Variants in CECR2 observed in about 807,000 individuals in gnomAD.
The protein encoded by CECR2 is CECR2 histone acetyl-lysine reader, also known as chromatin remodeling regulator CECR2.
A neutral mutation model predicts 154.5 loss-of-function variants in CECR2; 30 were observed. The observed-to-expected ratio is 0.19, with a 90% CI of 0.15 to 0.26. CECR2 has a LOEUF of 0.26. Among genes scored for constraint, CECR2 ranks in the 10% least tolerant of loss-of-function variants. The probability of loss-of-function intolerance (pLI) is 1.00; values close to 1 mark genes in which losing one functional copy is unlikely to be tolerated. For missense variants in CECR2, 1,743 were observed against 1,829.3 expected, an observed-to-expected ratio of 0.95 and a Z score of 0.86; for synonymous variants, 725 against 683.7, an observed-to-expected ratio of 1.06 and a Z score of -0.94.
intron 1 of CECR2, among the ~76,000 whole-genome samples, chr22:17,382,141 T>C (rs567795322): frequency 1.7e-3 from 251 of 152,016 alleles, no homozygotes; most frequent in Non-Finnish European, 2.7e-3. Flanking sequence ...CCGCCCGCCT[T>C]GGCCTCCCAA....
chr22:17,413,688 A>ATTT (rs200658141), intron 1 of CECR2, among the ~76,000 whole-genome samples: 2,140 of 151,550 alleles, frequency 0.014, 51 homozygotes, highest in African/African-American at 0.05. Flanking sequence ...TATTATTATT[A>ATTT]TTTTTTGAGA....
At chr22:17,360,714 A>G (rs1195261829) in intron 1 of CECR2, among the ~76,000 whole-genome samples, 4 of 151,400 alleles carry the variant, frequency 2.6e-5, no homozygotes, top group Non-Finnish European at 5.9e-5. Context: ...GCATGGTGAC[A>G]TGTGCCTGTA....
intron 1 of CECR2, among the ~76,000 whole-genome samples, chr22:17,474,372 T>C (rs1464732417): frequency 2.6e-5 from 4 of 152,174 alleles, no homozygotes; most frequent in African/African-American, 9.7e-5. Flanking sequence ...ATGGGGAATA[T>C]GGTAGGTAAG....
intron 9 of CECR2, among the ~76,000 whole-genome samples, chr22:17,530,427 A>G (rs11912246): frequency 0.011 from 1,620 of 152,064 alleles, 19 homozygotes; most frequent in Non-Finnish European, 0.014. Flanking sequence ...TAATCCCAGC[A>G]CTTTGGGAGG....
At chr22:17,512,834 T>C (rs1039362952) in intron 8 of CECR2, among the ~76,000 whole-genome samples, 2 of 152,144 alleles carry the variant, frequency 1.3e-5, no homozygotes, top group African/African-American at 4.8e-5. Context: ...AGCGTGGATC[T>C]GGCTGATCTG....
chr22:17,548,738 C>T lies in CECR2; in HGVS notation c.3451C>T (p.Pro1151Ser). 1 of 1,613,730 alleles carries T rather than the reference C, an allele frequency of 6.2e-7. No homozygotes were observed. The highest frequency in any genetic ancestry group is 8.5e-7 in the Non-Finnish European group (1 of 1,179,816). ...GGGCCCTGTGATGGGAGGGAAGTCC[C>T]CAGCATCCCATCCCCAGCATTTTCC... is the stretch of plus-strand genomic sequence containing the variant. The part of the protein sequence containing the change: ...GVGPVMGGKS[P>S]ASHPQHFPPR... Residue 1151 changes from proline (P) to serine (S), a missense_variant, in exon 17 of 19, where the codon CCA (proline) becomes TCA (serine). Transcript: ENST00000262608.
At chr22:17,397,906 C>T (rs9617572) in intron 1 of CECR2, among the ~76,000 whole-genome samples, 3 of 152,098 alleles carry the variant, frequency 2.0e-5, no homozygotes, top group Non-Finnish European at 2.9e-5. Context: ...AACATTAGCA[C>T]GAGTTTCCAC....
intron 1 of CECR2, among the ~76,000 whole-genome samples, chr22:17,427,995 CCTGA>C (rs2054357803): frequency 6.6e-6 from 1 of 152,174 alleles, no homozygotes. Context: ...GTTGTTGTTT[CCTGA>C]CTTTTTAATG....
chr22:17,514,850 G>A (rs1011691572), intron 8 of CECR2, among the ~76,000 whole-genome samples: 3 of 151,984 alleles, frequency 2.0e-5, no homozygotes, highest in Non-Finnish European at 4.4e-5. Flanking sequence ...TGGCTAACAC[G>A]ATGAAACCCC....
chr22:17,474,322 T>G (rs1032252735), intron 1 of CECR2, among the ~76,000 whole-genome samples: 1 of 152,228 alleles, frequency 6.6e-6, no homozygotes, highest in Admixed American at 6.5e-5. Flanking sequence ...CTGTTTTTAA[T>G]GACTTCATGA....
chr22:17,481,049 T>TAAAAAAAAAAAAAAAA lies in CECR2; in HGVS notation c.221+3379_221+3380insAAAAAAAAAAAAAAAA, dbSNP rs572712907. ...AGTGAGACTCCATCTCTTTTTTTTT[T>TAAAAAAAAAAAAAAAA]AAAAAAAAAAAAGGCCGGGCACGGT... On this transcript the variant is annotated intron_variant, in intron 2 of 18. Transcript: ENST00000262608. Among the ~76,000 whole-genome samples, 439 of 91,950 alleles carry TAAAAAAAAAAAAAAAA rather than the reference T, an allele frequency of 4.8e-3. 16 individuals are homozygous for TAAAAAAAAAAAAAAAA. Among genetic ancestry groups the TAAAAAAAAAAAAAAAA allele is most frequent in the African/African-American group, 0.015 (420 of 27,312 alleles). 60.3% of individuals were successfully genotyped at this position (91,950 alleles called of 152,430 possible).
intron 17 of CECR2, among the ~76,000 whole-genome samples, chr22:17,549,785 T>TG (rs1308682487): frequency 1.5e-5 from 2 of 135,116 alleles, no homozygotes. Flanking sequence ...AACTTTTTGG[T>TG]TTTTTTTTTT....
rs1247358202 is a variant in CECR2 at position 17,542,913 on chromosome 22, T to A, written c.2770T>A (p.Ser924Thr). ...TTTTCCGCAGGTAGCTCACCCAATG[T>A]CAGTCACTGTGTCAGCCCCCAAGCC... Reference protein sequence around the residue: ...GPFPQVAHPMSVTVSAPKPAL... With the variant: ...GPFPQVAHPMTVTVSAPKPAL... The change falls in exon 16 of 19, where the codon TCA becomes ACA. Residue 924 changes from serine to threonine, a missense_variant. Ser to Thr is a moderately conservative substitution (Grantham distance 58, BLOSUM62 1). Transcript: ENST00000262608. 5 of 1,613,832 alleles carry A rather than the reference T, an allele frequency of 3.1e-6. No individual in the cohort carries two copies.
At position 17,414,981 on chromosome 22, in the gene CECR2, C is replaced by T. The variant is rs563322139; in HGVS notation, c.126+45072C>T. ...TTTTAAAGTGAGAATCAATTTTAGACAGTGTAAAATATATGATATACATGT... is the reference window on the plus strand; with the variant it reads ...TTTTAAAGTGAGAATCAATTTTAGATAGTGTAAAATATATGATATACATGT... On this transcript the variant is annotated intron_variant, in intron 1 of 18. Transcript: ENST00000262608. Among the ~76,000 whole-genome samples, 4 of 152,246 alleles carry T rather than the reference C, an allele frequency of 2.6e-5. No homozygotes were observed. In the South Asian group the frequency reaches 8.3e-4, roughly 32 times the overall value.
At chr22:17,438,274 A>G (rs767200480) in intron 1 of CECR2, among the ~76,000 whole-genome samples, 54 of 152,366 alleles carry the variant, frequency 3.5e-4, no homozygotes, top group Middle Eastern at 3.4e-3. Context: ...TATTGTAGAC[A>G]AGCTGAGCCC....
At chr22:17,510,892 A>ACC (rs1033232476) in intron 7 of CECR2, among the ~76,000 whole-genome samples, 2 of 152,168 alleles carry the variant, frequency 1.3e-5, no homozygotes, top group African/African-American at 4.8e-5. Flanking sequence ...GGCGTGAGCC[A>ACC]CCCCACCCAG....
chr22:17,419,546 A>AGAGGAGGAG (rs202213584), intron 1 of CECR2: 5 of 196,564 alleles, frequency 2.5e-5, no homozygotes, highest in African/African-American at 9.9e-5. Flanking sequence ...AGGAAGAGGA[A>AGAGGAGGAG]GAGGAGGAGG....
chr22:17,431,732 G>A lies in CECR2; in HGVS notation c.127-45856G>A, dbSNP rs558616325. 7.2e-5 allele frequency among the ~76,000 whole-genome samples: 11 copies of A among 151,794 alleles called. 1 individual carries two copies. The highest frequency in any genetic ancestry group is 4.2e-4 in the South Asian group (2 of 4,818). On this transcript the variant is annotated intron_variant, in intron 1 of 18. Coordinates refer to ENST00000262608, the MANE Select transcript of CECR2 (RefSeq NM_001290047.2). ...CTAAAGTGGTAATTCTTATTGATGCGTGTTGTAACATCAAACACGTTTTCT... is the reference window on the plus strand; with the variant it reads ...CTAAAGTGGTAATTCTTATTGATGCATGTTGTAACATCAAACACGTTTTCT...
intron 1 of CECR2, among the ~76,000 whole-genome samples, chr22:17,376,432 C>A (rs541962727): frequency 7.5e-6 from 1 of 132,734 alleles, no homozygotes; most frequent in Non-Finnish European, 1.6e-5. Flanking sequence ...TCAGTACTAC[C>A]GATCATCTGC....
Sources: allele counts gnomAD v4.1 joint callset (sites outside exome capture counted in the v4.1 genomes callset), GRCh38; gene constraint gnomAD v4.1.1; transcripts MANE v1.5; gene names NCBI Gene and HGNC (gene_info 2026-07-23, HGNC 2026-07-21).